Variants in MCM4 observed in about 807,000 individuals in gnomAD.
The protein encoded by MCM4 is DNA replication licensing factor MCM4.
MCM4 carries 60 observed loss-of-function variants against 88.7 expected under a neutral mutation model. The ratio of observed to expected loss-of-function variants is 0.68; its 90% CI spans 0.55 to 0.84. The LOEUF (loss-of-function observed/expected upper bound fraction) is 0.84. MCM4 is among the 40% of genes least tolerant of loss of function. The probability of loss-of-function intolerance (pLI) is 0.00; values close to 1 mark genes in which losing one functional copy is unlikely to be tolerated. For synonymous variants in MCM4, 465 were observed against 410.5 expected (o/e 1.13, Z -1.61); for missense variants, 1,149 against 1,105.5 (o/e 1.04, Z -0.56).
chr8:47,970,690 C>T lies in MCM4; in HGVS notation c.1614C>T (p.Ser538=). ...PRGQYTSGKG[S]SAVGLTAYVM... ...GCCAGTACACGTCTGGGAAGGGCTC[C>T]AGTGCAGTTGGCCTCACTGCGTACG... Residue 538 remains serine (S), a synonymous_variant, in exon 12 of 17, where the codon TCC becomes TCT. Coordinates refer to ENST00000649973, the MANE Select transcript of MCM4 (RefSeq NM_182746.3). 1 of 1,614,194 alleles carries T rather than the reference C, an allele frequency of 6.2e-7. No homozygotes were observed. Among genetic ancestry groups the T allele is most frequent in the Non-Finnish European group, 8.5e-7 (1 of 1,180,038 alleles).
At chr8:47,969,657 G>A (rs2090932840) in intron 10 of MCM4, 141 bp from the exon 11 acceptor site, 1 of 731,392 alleles carries the variant, frequency 1.4e-6, no homozygotes, top group Non-Finnish European at 2.2e-6. Flanking sequence ...GGTCATTTAA[G>A]AGACGGTGGA....
intron 15 of MCM4, chr8:47,975,184 T>G: frequency 2.3e-6 from 1 of 432,118 alleles, no homozygotes; most frequent in South Asian, 3.3e-5. Flanking sequence ...TTTTTTTTGT[T>G]TTTTTTTTTT....
chr8:47,974,619 A>G lies in MCM4; in HGVS notation c.2137-115A>G, dbSNP rs550980647. Reference sequence around the variant, plus strand: ...CACTTGATGAGCTCCGGGGCCCAGGACCATATCTGAGTTCCGTTTACTTAA... The same window carrying G: ...CACTTGATGAGCTCCGGGGCCCAGGGCCATATCTGAGTTCCGTTTACTTAA... On this transcript the variant is annotated intron_variant, in intron 14 of 16. Coordinates refer to ENST00000649973, the MANE Select transcript of MCM4 (RefSeq NM_182746.3). 1.3e-4 allele frequency: 103 copies of G among 788,872 alleles called. No homozygotes were observed. In the South Asian group the frequency reaches 1.6e-3, roughly 12 times the overall value. 48.9% of individuals were successfully genotyped at this position (788,872 alleles called of 1,614,324 possible). A position where few individuals can be genotyped will look rare whatever the true frequency, so the allele number is the denominator to read the frequency against.
intron 9 of MCM4, 33 bp downstream of exon 9, chr8:47,966,440 T>C: frequency 6.4e-7 from 1 of 1,563,568 alleles, no homozygotes. Context: ...CAGGCTATGC[T>C]TTGCCTGTCT....
intron 12 of MCM4, 52 bp downstream of exon 12, chr8:47,970,928 C>T: frequency 6.5e-7 from 1 of 1,530,228 alleles, no homozygotes; most frequent in Non-Finnish European, 8.8e-7. Flanking sequence ...TATGTGGACC[C>T]TTGAAAGACA....
chr8:47,967,975 T>C (rs1328950807), intron 10 of MCM4, among the ~76,000 whole-genome samples: 2 of 152,194 alleles, frequency 1.3e-5, no homozygotes, highest in African/African-American at 4.8e-5. Context: ...CTTGTTTCCA[T>C]GTGTAGAAGC....
At chr8:47,974,684 GT>G in intron 14 of MCM4, 49 bp from the exon 15 acceptor site, 2 of 1,474,958 alleles carry the variant, frequency 1.4e-6, no homozygotes, top group Non-Finnish European at 1.9e-6. Context: ...CAAAACTAAA[GT>G]TGTCACCAAG....
At position 47,970,046 on chromosome 8, in the gene MCM4, G is replaced by C; in HGVS notation, c.1423G>C (p.Asp475His). The C allele has an allele frequency of 6.2e-7, 1 of 1,613,628 alleles. No homozygotes were observed. The highest frequency in any genetic ancestry group is 8.5e-7 in the Non-Finnish European group (1 of 1,179,810). ...GGCTCCAAGCATTTATGAACATGAA[G>C]ATATAAAGAAGGTAACAGTGGATTT... Reference protein sequence around the residue: ...ALAPSIYEHEDIKKGILLQLF... With the variant: ...ALAPSIYEHEHIKKGILLQLF... The change falls in exon 11 of 17, where the codon GAT (aspartate) becomes CAT (histidine). Residue 475 changes from aspartate (D) to histidine (H), a missense_variant. Asp to His is a moderately conservative substitution (Grantham distance 81, BLOSUM62 -1). Transcript: ENST00000649973.
At chr8:47,965,234 A>T (rs1370504659) in intron 8 of MCM4, among the ~76,000 whole-genome samples, 1 of 151,884 alleles carries the variant, frequency 6.6e-6, no homozygotes, top group Non-Finnish European at 1.5e-5. Context: ...AAAAAATTAG[A>T]TTTTAAAGAT....
chr8:47,971,622 GA>G (rs1053567422), intron 13 of MCM4, among the ~76,000 whole-genome samples, 154 bp downstream of exon 13: 41 of 152,302 alleles, frequency 2.7e-4, no homozygotes, highest in Admixed American at 1.9e-3. Flanking sequence ...CGACAAGGAT[GA>G]TGTGTGTTCT....
chr8:47,969,843 A>C lies in MCM4; in HGVS notation c.1220A>C (p.Asn407Thr). Residue 407 changes from asparagine (N) to threonine (T), a missense_variant, in exon 11 of 17, where the codon AAT (asparagine) becomes ACT (threonine). Coordinates refer to ENST00000649973, the MANE Select transcript of MCM4 (RefSeq NM_182746.3). ...ATTCGAGTCAATCCAAGAGTGAGTA[A>C]TGTGAAGTCTGTCTACAAAACCCAC... ...VPIRVNPRVS[N>T]VKSVYKTHID... 6.2e-7 allele frequency: 1 copy of C among 1,614,250 alleles called. No individual in the cohort carries two copies. Among genetic ancestry groups the C allele is most frequent in the Non-Finnish European group, 8.5e-7 (1 of 1,180,034 alleles).
intron 10 of MCM4, chr8:47,969,481 C>T (rs2090931144): frequency 3.3e-6 from 1 of 306,288 alleles, no homozygotes; most frequent in South Asian, 5.2e-5. Context: ...TGGTCTCGAA[C>T]TCCCAACCTC....
intron 13 of MCM4, among the ~76,000 whole-genome samples, chr8:47,972,147 A>C (rs1166061472): frequency 6.8e-6 from 1 of 147,642 alleles, no homozygotes; most frequent in Non-Finnish European, 1.5e-5. Context: ...AGGCACAAGA[A>C]TTGCTTGAGC....
At chr8:47,967,865 TACTC>T (rs1219774081) in intron 10 of MCM4, among the ~76,000 whole-genome samples, 1 of 152,210 alleles carries the variant, frequency 6.6e-6, no homozygotes, top group African/African-American at 2.4e-5. Context: ...AGAGAAGTAT[TACTC>T]ACCAATGCTG....
In MCM4 at chr8:47,976,759, A is replaced by G; in HGVS notation, c.2573A>G (p.Lys858Arg). ...ADDDFLTVTG[K>R]TVRLL ...GATGATTTCCTGACAGTGACTGGGA[A>G]GACCGTGCGCTTGCTCTGAAGCCTT... Residue 858 changes from lysine (K) to arginine (R), a missense_variant, in exon 17 of 17, where the codon AAG becomes AGG. By Grantham distance (26) the Lys-to-Arg change is conservative (BLOSUM62 2). Around this residue, in one of 3 missense-constraint regions of MCM4, gnomAD observed 238 missense variants for 241.6 expected, o/e 0.99. Transcript: ENST00000649973. 1 of 1,612,930 alleles carries G rather than the reference A, an allele frequency of 6.2e-7. No homozygotes were observed. Among genetic ancestry groups the G allele is most frequent in the African/African-American group, 1.3e-5 (1 of 75,048 alleles).
intron 13 of MCM4, 66 bp from the exon 14 acceptor site, chr8:47,972,791 A>G: frequency 2.3e-6 from 3 of 1,311,780 alleles, no homozygotes; most frequent in Non-Finnish European, 3.2e-6. Flanking sequence ...TACCAACCTC[A>G]GGTGATCCAC....
chr8:47,973,074 CT>C lies in MCM4; in HGVS notation c.2136+11del, dbSNP rs756702691. 6.2e-6 allele frequency: 10 copies of C among 1,609,412 alleles called. No homozygotes were observed. In the South Asian group the frequency reaches 6.6e-5, roughly 11 times the overall value. On this transcript the variant is annotated intron_variant, in intron 14 of 16. Transcript: ENST00000649973. ...CCAGGCTCTCATCGAGGTAACCCTGCTGAAAAAAGGCTTACTGTGCCTGTAG... is the reference window on the plus strand; with the variant it reads ...CCAGGCTCTCATCGAGGTAACCCTGCGAAAAAAGGCTTACTGTGCCTGTAG...
In MCM4 at chr8:47,969,947, T is replaced by C; in HGVS notation, c.1324T>C (p.Ser442Pro). 6.2e-7 allele frequency: 1 copy of C among 1,614,212 alleles called. No individual in the cohort carries two copies. Among genetic ancestry groups the C allele is most frequent in the East Asian group, 2.2e-5 (1 of 44,884 alleles). The change falls in exon 11 of 17, where the codon TCA (serine) becomes CCA (proline). Residue 442 changes from serine to proline, a missense_variant. Transcript: ENST00000649973. The stretch of plus-strand genomic sequence containing the variant: ...TGAAGAAGCAGAACAGAAACTTTTT[T>C]CAGAGAAACGTGTGGAATTGCTTAA... ...LDEEAEQKLF[S>P]EKRVELLKEL...
rs2091010952 is a variant in MCM4 at position 47,977,476 on chromosome 8, G to A, written c.*698G>A. 1 of 152,210 alleles carries A rather than the reference G, an allele frequency of 6.6e-6. No homozygotes were observed. The highest frequency in any genetic ancestry group is 2.4e-5 in the African/African-American group (1 of 41,444). 9.4% of individuals were successfully genotyped at this position (152,210 alleles called of 1,614,324 possible). On this transcript the variant is annotated 3_prime_UTR_variant, in exon 17 of 17. Transcript: ENST00000649973. ...ATAGCCTGGGCATATCACCTCATTG[G>A]TAAAGGGCTAGAGCCTTTCTTTTTT...
Sources: allele counts gnomAD v4.1 joint callset (sites outside exome capture counted in the v4.1 genomes callset), GRCh38; gene constraint gnomAD v4.1.1; regional missense constraint gnomAD v4.1.1; transcripts MANE v1.5; gene names NCBI Gene and HGNC (gene_info 2026-07-23, HGNC 2026-07-21).